The following DGAT2 variants were observed in gnomAD, a reference collection of about 807,000 sequenced individuals.
DGAT2 encodes the protein diacylglycerol O-acyltransferase 2.
In DGAT2, 33 loss-of-function variants were observed where a neutral mutation model predicts 48.4. That is an observed-to-expected ratio of 0.68 (90% CI 0.52 to 0.91). The LOEUF (loss-of-function observed/expected upper bound fraction) is 0.91. Among genes scored for constraint, DGAT2 ranks in the 40% least tolerant of loss-of-function variants. The pLI is 0.00. For missense variants in DGAT2, 446 were observed against 493.7 expected, an observed-to-expected ratio of 0.90 and a Z score of 0.92; for synonymous variants, 191 against 194.1, an observed-to-expected ratio of 0.98 and a Z score of 0.13.
chr11:75,783,530 T>C (rs550707713), intron 1 of DGAT2, among the ~76,000 whole-genome samples: 11 of 152,220 alleles, frequency 7.2e-5, no homozygotes, highest in African/African-American at 1.7e-4. Context: ...AAGGACAAGA[T>C]TGTGACTAAC....
intron 4 of DGAT2, chr11:75,794,739 T>C (rs1032106744): frequency 1.2e-4 from 18 of 152,150 alleles, no homozygotes; most frequent in Non-Finnish European, 1.6e-4. Flanking sequence ...AAAAATGATA[T>C]CAACCCATAT....
intron 6 of DGAT2, 62 bp downstream of exon 6, chr11:75,797,394 T>C (rs2135781019): frequency 7.3e-7 from 1 of 1,361,090 alleles, no homozygotes; most frequent in East Asian, 2.8e-5. Flanking sequence ...GGCAGCAGAC[T>C]CCTTGGCCCC....
At position 75,784,181 on chromosome 11, in the gene DGAT2, A is replaced by G. The variant is rs375096065; in HGVS notation, c.122-437A>G. 1.1e-4 allele frequency among the ~76,000 whole-genome samples: 17 copies of G among 152,204 alleles called. No homozygotes were observed. The East Asian group carries it at 2.5e-3, about 22-fold the overall frequency. ...CACTTGGAGAAAAAAAACCATTGCA[A>G]ATTGGATGTTGAACCTCTGTCCTTG... On this transcript the variant is annotated intron_variant, in intron 1 of 7. Transcript: ENST00000228027.
intron 1 of DGAT2, chr11:75,776,751 T>A (rs1175149736): frequency 6.6e-6 from 1 of 152,244 alleles, no homozygotes; most frequent in Non-Finnish European, 1.5e-5. Context: ...AGCTTTGCCA[T>A]GACCGGCCTC....
rs770822505 is a variant in DGAT2 at position 75,796,354 on chromosome 11, C to T, written c.456C>T (p.Thr152=). ...TGGTGAAGACACACAACCTGCTGAC[C>T]ACCAGGAACTATATCTTTGGATACC... ...IQLVKTHNLL[T]TRNYIFGYHP... is the part of the protein sequence containing the mutation. The change falls in exon 5 of 8, where the codon ACC becomes ACT. Residue 152 remains threonine (T), a synonymous_variant. Transcript: ENST00000228027. 3 of 1,614,070 alleles carry T rather than the reference C, an allele frequency of 1.9e-6. No individual in the cohort carries two copies. The highest frequency in any genetic ancestry group is 1.7e-6 in the Non-Finnish European group (2 of 1,179,976).
At position 75,768,864 on chromosome 11, in the gene DGAT2, C is replaced by A; in HGVS notation, c.-128C>A. ...GCCGCAGCTCCAGGTGTCCTAGCCGCCCAGCCTCGACGCCGTCCCGGGACC... is the reference window on the plus strand; with the variant it reads ...GCCGCAGCTCCAGGTGTCCTAGCCGACCAGCCTCGACGCCGTCCCGGGACC... On this transcript the variant is annotated 5_prime_UTR_variant, in exon 1 of 8. Coordinates refer to ENST00000228027, the MANE Select transcript of DGAT2 (RefSeq NM_032564.5). 1 of 1,231,910 alleles carries A rather than the reference C, an allele frequency of 8.1e-7. No individual in the cohort carries two copies. Among genetic ancestry groups the A allele is most frequent in the Non-Finnish European group, 1.0e-6 (1 of 960,748 alleles). The allele number at this position is 1,231,910 out of a possible 1,614,324, so 76.3% of individuals were successfully genotyped here.
At position 75,790,685 on chromosome 11, in the gene DGAT2, G is replaced by A. The variant is rs754562195; in HGVS notation, c.383G>A (p.Arg128Gln). ...GGTGGCAGGAGGTCACAGTGGGTCC[G>A]AAACTGGGCTGTGTGGCGCTACTTT... ...KKGGRRSQWV[R>Q]NWAVWRYFRD... The change falls in exon 4 of 8, where the codon CGA becomes CAA. Residue 128 changes from arginine to glutamine, a missense_variant. Physicochemically the swap from Arg to Gln is conservative, Grantham distance 43. Coordinates refer to ENST00000228027, the MANE Select transcript of DGAT2 (RefSeq NM_032564.5). 1.4e-5 allele frequency: 22 copies of A among 1,614,010 alleles called. No homozygotes were observed. Among genetic ancestry groups the A allele is most frequent in the East Asian group, 6.7e-5 (3 of 44,882 alleles).
At chr11:75,797,495 G>C (rs927743723) in intron 6 of DGAT2, among the ~76,000 whole-genome samples, 163 bp downstream of exon 6, 2 of 152,176 alleles carry the variant, frequency 1.3e-5, no homozygotes, top group Non-Finnish European at 2.9e-5. Context: ...GCACAGTGTG[G>C]GCCAAGTTTG....
At position 75,800,460 on chromosome 11, in the gene DGAT2, C is replaced by T; in HGVS notation, c.1119C>T (p.His373=). The T allele has an allele frequency of 3.7e-6, 6 of 1,614,212 alleles. No individual in the cohort carries two copies. The highest frequency in any genetic ancestry group is 5.1e-6 in the Non-Finnish European group (6 of 1,180,036). The stretch of plus-strand genomic sequence containing the variant: ...CCCTGGTGAAGCTCTTCGACAAGCA[C>T]AAGACCAAGTTCGGCCTCCCGGAGA... ...MEALVKLFDK[H]KTKFGLPETE... Residue 373 remains histidine, a synonymous_variant, in exon 8 of 8, where the codon CAC becomes CAT. Coordinates refer to ENST00000228027, the MANE Select transcript of DGAT2 (RefSeq NM_032564.5).
In DGAT2 at chr11:75,797,206, A is replaced by G. The variant is rs747675475; in HGVS notation, c.683A>G (p.Asn228Ser). 9 of 1,568,684 alleles carry G rather than the reference A, an allele frequency of 5.7e-6. No homozygotes were observed. Among genetic ancestry groups the G allele is most frequent in the Non-Finnish European group, 6.9e-6 (8 of 1,156,510 alleles). The change falls in exon 6 of 8, where the codon AAT (asparagine) becomes AGT (serine). Residue 228 changes from asparagine to serine, a missense_variant. Asn to Ser is a conservative substitution (Grantham distance 46). Coordinates refer to ENST00000228027, the MANE Select transcript of DGAT2 (RefSeq NM_032564.5). The stretch of plus-strand genomic sequence containing the variant: ...ACCATAGACTATTTGCTTTCAAAGA[A>G]TGGGAGTGGCAATGCTATCATCATC... The part of the protein sequence containing the change: ...RDTIDYLLSK[N>S]GSGNAIIIVV...
chr11:75,797,403 C>T lies in DGAT2; in HGVS notation c.809+71C>T, dbSNP rs1343248428. The stretch of plus-strand genomic sequence containing the variant: ...GCCCAGGGCAGCAGACTCCTTGGCC[C>T]CTGAAGACAGGACCCAGACCCCAGG... On this transcript the variant is annotated intron_variant, in intron 6 of 7. Transcript: ENST00000228027. 3.7e-6 allele frequency: 5 copies of T among 1,351,950 alleles called. No homozygotes were observed. In the East Asian group the frequency reaches 1.1e-4, roughly 30 times the overall value. The allele number at this position is 1,351,950 out of a possible 1,614,324, so 83.7% of individuals were successfully genotyped here.
chr11:75,793,693 C>T, intron 4 of DGAT2: 1 of 152,398 alleles, frequency 6.6e-6, no homozygotes, highest in Non-Finnish European at 1.5e-5. Flanking sequence ...AAAGATGCTG[C>T]ACGGCGTGAT....
At chr11:75,777,267 T>C (rs913381916) in intron 1 of DGAT2, among the ~76,000 whole-genome samples, 22 of 152,246 alleles carry the variant, frequency 1.4e-4, no homozygotes, top group Admixed American at 1.2e-3. Context: ...AGATTCCTTA[T>C]GACAATCCTG....
At chr11:75,782,503 C>A (rs1379948572) in intron 1 of DGAT2, among the ~76,000 whole-genome samples, 1 of 152,238 alleles carries the variant, frequency 6.6e-6, no homozygotes, top group African/African-American at 2.4e-5. Context: ...TCCTGCTTCA[C>A]TTCATCCAGC....
intron 2 of DGAT2, among the ~76,000 whole-genome samples, chr11:75,786,626 C>T (rs1944925642): frequency 6.6e-6 from 1 of 152,218 alleles, no homozygotes; most frequent in Non-Finnish European, 1.5e-5. Flanking sequence ...CTGGCCTCAC[C>T]TCGCCTCGCC....
chr11:75,771,766 A>G (rs1247873258), intron 1 of DGAT2, among the ~76,000 whole-genome samples: 1 of 152,082 alleles, frequency 6.6e-6, no homozygotes, highest in African/African-American at 2.4e-5. Context: ...AATAGAGGCC[A>G]CTTTGGGGCT....
intron 1 of DGAT2, among the ~76,000 whole-genome samples, chr11:75,779,261 C>T (rs1019676746): frequency 4.6e-5 from 7 of 152,162 alleles, no homozygotes; most frequent in African/African-American, 1.7e-4. Context: ...ATGATATGGG[C>T]AGAGGAGGGA....
At position 75,798,315 on chromosome 11, in the gene DGAT2, CAGA is replaced by C. The variant is rs778109588; in HGVS notation, c.904_906del (p.Lys302del). 1.2e-6 allele frequency: 2 copies of C among 1,614,184 alleles called. No individual in the cohort carries two copies. Among genetic ancestry groups the C allele is most frequent in the Non-Finnish European group, 1.7e-6 (2 of 1,180,028 alleles). On this transcript the variant is annotated inframe_deletion, in exon 7 of 8. Coordinates refer to ENST00000228027, the MANE Select transcript of DGAT2 (RefSeq NM_032564.5). ...GGAGGGCTCCTGGGGCCGATGGGTC[CAGA>C]AGAAGTTCCAGAAATACATTGGTTT...
intron 5 of DGAT2, chr11:75,796,911 C>A: frequency 2.2e-6 from 1 of 457,990 alleles, no homozygotes; most frequent in Non-Finnish European, 3.9e-6. Flanking sequence ...AGAATTAGGG[C>A]CCTGGGAATG....
Sources: allele counts gnomAD v4.1 joint callset (sites outside exome capture counted in the v4.1 genomes callset), GRCh38; gene constraint gnomAD v4.1.1; transcripts MANE v1.5; gene names NCBI Gene and HGNC (gene_info 2026-07-23, HGNC 2026-07-21).